The following DOC2B variants were observed in gnomAD, a reference collection of about 807,000 sequenced individuals.
The protein encoded by DOC2B is double C2 domain beta.
DOC2B carries 21 observed loss-of-function variants against 28.9 expected under a neutral mutation model. The ratio of observed to expected loss-of-function variants is 0.73; its 90% confidence interval spans 0.52 to 1.05. DOC2B has a LOEUF of 1.05. DOC2B is among the 50% of genes least tolerant of loss of function. DOC2B has a pLI of 0.00. For synonymous variants in DOC2B, 194 were observed against 178.1 expected, an observed-to-expected ratio of 1.09 and a Z score of -0.71; for missense variants, 384 against 421.1, an observed-to-expected ratio of 0.91 and a Z score of 0.77.
chr17:151,444 T>A (rs1016087503), intron 6 of DOC2B, among the ~76,000 whole-genome samples: 1 of 152,274 alleles, frequency 6.6e-6, no homozygotes, highest in Admixed American at 6.5e-5. Flanking sequence ...AAATCTGAAA[T>A]CCCAAACGCG....
At chr17:177,303 T>C (rs2040381638) in intron 1 of DOC2B, among the ~76,000 whole-genome samples, 1 of 152,226 alleles carries the variant, frequency 6.6e-6, no homozygotes, top group Non-Finnish European at 1.5e-5. Flanking sequence ...CTCCATCAAC[T>C]CCTGGACTCA....
At chr17:171,895 ACCAGGGGCCGGGCCAGG>A (rs1168941403) in intron 2 of DOC2B, among the ~76,000 whole-genome samples, 9 of 89,234 alleles carry the variant, frequency 1.0e-4, no homozygotes, top group African/African-American at 3.7e-4. Flanking sequence ...AGAGGGGAGC[ACCAGGGGCCGGGCCAGG>A]CTGCAGAGGG....
Position 172,419 on chromosome 17 carries a change from C to T in DOC2B, c.453+118G>A, listed in dbSNP as rs571839212. 50 of 787,208 alleles carry T rather than the reference C, an allele frequency of 6.4e-5. No individual in the cohort carries two copies. In the African/African-American group the frequency reaches 6.9e-4, roughly 11 times the overall value. 48.8% of individuals were successfully genotyped at this position (787,208 alleles called of 1,614,324 possible). On this transcript the variant is annotated intron_variant, in intron 2 of 8. Coordinates refer to ENST00000613549, the MANE Select transcript of DOC2B (RefSeq NM_003585.5). Reference sequence around the variant, plus strand: ...CTTCCTGGCCCCGCACCCCACACAGCGCAGACATCCAAAAGCCTGGACAGG... The same window carrying T: ...CTTCCTGGCCCCGCACCCCACACAGTGCAGACATCCAAAAGCCTGGACAGG...
At chr17:166,414 C>G (rs558845724) in intron 2 of DOC2B, among the ~76,000 whole-genome samples, 22 of 152,346 alleles carry the variant, frequency 1.4e-4, no homozygotes, top group Non-Finnish European at 2.1e-4. Flanking sequence ...CACATGCTCC[C>G]CAGCTTGGGA....
rs1295113925 is a variant in DOC2B, at chr17:181,537, G to A, written c.-58C>T. 2.6e-5 allele frequency: 25 copies of A among 947,130 alleles called. No individual in the cohort carries two copies. In the East Asian group the frequency reaches 3.5e-4, roughly 13 times the overall value. The allele number at this position is 947,130 out of a possible 1,614,324, so 58.7% of individuals were successfully genotyped here. A position where few individuals can be genotyped will look rare whatever the true frequency, so the allele number is the denominator to read the frequency against. ...CGGCCCGGCGCGACCCCGGCCCGGG[G>A]GCGGCTCAGCAGGCCCGGCGGGGCG... On this transcript the variant is annotated 5_prime_UTR_variant, in exon 1 of 9. Coordinates refer to ENST00000613549, the MANE Select transcript of DOC2B (RefSeq NM_003585.5). This position sits in a 1 kb window ranked among gnomAD's most constrained non-coding sequence, Gnocchi z 7.0.
At chr17:169,747 A>C (rs2040290415) in intron 2 of DOC2B, among the ~76,000 whole-genome samples, 1 of 151,928 alleles carries the variant, frequency 6.6e-6, no homozygotes, top group African/African-American at 2.4e-5. Flanking sequence ...GGCCCTCCAG[A>C]GGCCAGCCCT....
chr17:175,726 C>A (rs142382009), intron 1 of DOC2B, among the ~76,000 whole-genome samples: 1 of 152,328 alleles, frequency 6.6e-6, no homozygotes, highest in African/African-American at 2.4e-5. Context: ...TGCCTGTTTC[C>A]CAACCCCAGA....
intron 5 of DOC2B, among the ~76,000 whole-genome samples, chr17:157,535 C>T (rs1398942051): frequency 6.6e-6 from 1 of 152,210 alleles, no homozygotes; most frequent in Non-Finnish European, 1.5e-5. Flanking sequence ...GATCTTGGCT[C>T]ACTACAACCT....
At chr17:166,032 G>A (rs2040260442) in intron 2 of DOC2B, among the ~76,000 whole-genome samples, 2 of 152,190 alleles carry the variant, frequency 1.3e-5, no homozygotes, top group African/African-American at 4.8e-5. Flanking sequence ...ACCCGTGGGA[G>A]CTAGGCTGGG....
At chr17:174,437 A>G (rs1225618240) in intron 1 of DOC2B, among the ~76,000 whole-genome samples, 1 of 152,234 alleles carries the variant, frequency 6.6e-6, no homozygotes, top group Non-Finnish European at 1.5e-5. Flanking sequence ...TCTAGCTAAC[A>G]GTACTGGCTT....
intron 2 of DOC2B, among the ~76,000 whole-genome samples, chr17:168,809 CAT>C (rs1435777652): frequency 6.6e-6 from 1 of 152,260 alleles, no homozygotes; most frequent in African/African-American, 2.4e-5. Flanking sequence ...TGCCACCAAA[CAT>C]GTGAGAAGTG....
At position 172,527 on chromosome 17, in the gene DOC2B, CG is replaced by C; in HGVS notation, c.453+9del. 6.5e-7 allele frequency: 1 copy of C among 1,549,442 alleles called. No homozygotes were observed. Among genetic ancestry groups the C allele is most frequent in the Non-Finnish European group, 8.7e-7 (1 of 1,145,544 alleles). ...GGCAGGGAATTTGGGGGCAGGCTGGCGGGGCCTACCTTGGCCTTGGTGATGG... is the reference window on the plus strand; with the variant it reads ...GGCAGGGAATTTGGGGGCAGGCTGGCGGGCCTACCTTGGCCTTGGTGATGG... On this transcript the variant is annotated intron_variant, in intron 2 of 8. Transcript: ENST00000613549.
At chr17:180,990 G>T in intron 1 of DOC2B, 117 bp downstream of exon 1, 3 of 908,898 alleles carry the variant, frequency 3.3e-6, no homozygotes, top group Non-Finnish European at 4.3e-6. Context: ...GCGGGGTTGT[G>T]AACCGAGGCA....
chr17:157,236 G>A (rs915536746), intron 5 of DOC2B, among the ~76,000 whole-genome samples: 14 of 152,284 alleles, frequency 9.2e-5, no homozygotes, highest in African/African-American at 3.1e-4. Flanking sequence ...ACACCTTTGC[G>A]CACCCTTAAT....
At chr17:164,011 T>A in intron 3 of DOC2B, 119 bp downstream of exon 3, 1 of 735,886 alleles carries the variant, frequency 1.4e-6, no homozygotes, top group Non-Finnish European at 2.3e-6. Context: ...GAGTGGCAGC[T>A]GTGGGCCTCC....
chr17:172,585 C>T lies in DOC2B; in HGVS notation c.405G>A (p.Leu135=), dbSNP rs544386443. Residue 135 remains leucine (L), a synonymous_variant, in exon 2 of 9, where the codon CTG becomes CTA. Coordinates refer to ENST00000613549, the MANE Select transcript of DOC2B (RefSeq NM_003585.5). ...TALGTLDFSL[L]YDQENNALHC... ...GGAGGGCGTTGTTCTCCTGGTCATA[C>T]AGCAGGCTGAAGTCCAGCGTGCCCA... is the stretch of plus-strand genomic sequence containing the variant. 4 of 1,551,080 alleles carry T rather than the reference C, an allele frequency of 2.6e-6. No homozygotes were observed. Among genetic ancestry groups the T allele is most frequent in the South Asian group, 1.2e-5 (1 of 84,032 alleles).
intron 1 of DOC2B, among the ~76,000 whole-genome samples, chr17:179,323 G>A (rs1051316358): frequency 1.3e-5 from 2 of 151,454 alleles, no homozygotes; most frequent in African/African-American, 4.9e-5. Flanking sequence ...CTGAGCTGAT[G>A]GATTGGAGAT....
rs1353158480 is a variant in DOC2B at position 144,102 on chromosome 17, C to T, written c.*3339G>A. 2 of 26,944 alleles carry T rather than the reference C, an allele frequency of 7.4e-5. No homozygotes were observed. Among genetic ancestry groups the T allele is most frequent in the Non-Finnish European group, 1.5e-4 (2 of 13,260 alleles). The allele number at this position is 26,944 out of a possible 1,614,324, so 1.7% of individuals were successfully genotyped here. A position where few individuals can be genotyped will look rare whatever the true frequency, so the allele number is the denominator to read the frequency against. ...GCGGGGCGGCGGGCGGGGCGGCGGG[C>T]GGGGCGGCGCTGGAGGCAGCGCCTG... On this transcript the variant is annotated 3_prime_UTR_variant, in exon 9 of 9. Transcript: ENST00000613549.
chr17:152,216 A>G (rs1555521872), intron 6 of DOC2B, among the ~76,000 whole-genome samples: 1 of 152,206 alleles, frequency 6.6e-6, no homozygotes. Context: ...AGGGTGGCAC[A>G]GCACGTTGCT....
Sources: gnomAD v4.1 joint callset for allele counts (sites outside exome capture counted in the v4.1 genomes callset) on GRCh38, gnomAD v4.1.1 for gene constraint, Gnocchi (gnomAD v3.1) non-coding constraint, MANE v1.5 for transcripts, NCBI Gene and HGNC (gene_info 2026-07-23, HGNC 2026-07-21) for gene names.